The following NFIB variants were observed in gnomAD, a reference collection of about 807,000 sequenced individuals.
NFIB encodes the protein nuclear factor I B.
In NFIB, 11 loss-of-function variants were observed where a neutral mutation model predicts 61.5. The observed-to-expected ratio is 0.18, with a 90% CI of 0.11 to 0.30. The LOEUF (loss-of-function observed/expected upper bound fraction) is 0.30, where lower values mean the gene tolerates loss of function less well. Ranked by LOEUF, NFIB falls within the 10% of genes least tolerant of loss-of-function variation. The probability of loss-of-function intolerance (pLI) is 1.00; values close to 1 mark genes in which losing one functional copy is unlikely to be tolerated. For missense variants in NFIB, 471 were observed against 608.9 expected, an observed-to-expected ratio of 0.77 and a Z score of 2.38; for synonymous variants, 260 against 216.5, an observed-to-expected ratio of 1.20 and a Z score of -1.76.
chr9:14,179,632 T>C (rs1161604335), intron 3 of NFIB, 95 bp downstream of exon 3: 1 of 1,353,834 alleles, frequency 7.4e-7, no homozygotes, highest in Non-Finnish European at 1.0e-6. Context: ...CAGAACAAAA[T>C]AGGCAGCTGA....
the NFIB span, among the ~76,000 whole-genome samples, chr9:14,434,956 C>T: frequency 6.6e-6 from 1 of 152,236 alleles, no homozygotes; most frequent in Non-Finnish European, 1.5e-5. Flanking sequence ...TGGGTGCCCA[C>T]AGCTCTAAGG....
chr9:14,123,425 A>G (rs568605270), intron 7 of NFIB, among the ~76,000 whole-genome samples: 13 of 152,160 alleles, frequency 8.5e-5, no homozygotes, highest in Non-Finnish European at 1.8e-4. Flanking sequence ...CATCCTTTAT[A>G]GTGCTATGTG....
chr9:14,088,982 G>T (rs776301658), intron 10 of NFIB, among the ~76,000 whole-genome samples: 1 of 152,092 alleles, frequency 6.6e-6, no homozygotes, highest in Non-Finnish European at 1.5e-5. Context: ...AACCAAAATG[G>T]AACACAGCTT....
At chr9:14,146,633 A>G in intron 6 of NFIB, 56 bp downstream of exon 6, 1 of 1,611,312 alleles carries the variant, frequency 6.2e-7, no homozygotes, top group Non-Finnish European at 8.5e-7. Flanking sequence ...AACGAAACTT[A>G]AGAAACGAGC....
chr9:14,313,694 G>A lies in NFIB; in HGVS notation c.-183C>T. ...CCTCCTTAAATAGCCAAAGATTCAA[G>A]TTCACTCGGCGTGCTAGATTTCCAG... On this transcript the variant is annotated 5_prime_UTR_variant, in exon 1 of 11. Transcript: ENST00000380953. This position sits in a 1 kb window ranked among gnomAD's most constrained non-coding sequence, Gnocchi z 4.5. 2.1e-6 allele frequency: 3 copies of A among 1,428,234 alleles called. No individual in the cohort carries two copies. The highest frequency in any genetic ancestry group is 2.8e-6 in the Non-Finnish European group (3 of 1,090,796). 88.5% of individuals were successfully genotyped at this position (1,428,234 alleles called of 1,614,324 possible). A position where few individuals can be genotyped will look rare whatever the true frequency, so the allele number is the denominator to read the frequency against.
the NFIB span, among the ~76,000 whole-genome samples, chr9:14,495,923 C>T: frequency 1.3e-5 from 2 of 152,068 alleles, no homozygotes; most frequent in Non-Finnish European, 2.9e-5. Context: ...GTTTCTGTTC[C>T]ACATCTTCCA....
chr9:14,418,338 T>A, the NFIB span, among the ~76,000 whole-genome samples: 1 of 152,028 alleles, frequency 6.6e-6, no homozygotes, highest in African/African-American at 2.4e-5. Flanking sequence ...TATATGAACA[T>A]CCACAATGGC....
At chr9:14,369,179 G>A (rs2061332031) in intron 1 of NFIB, among the ~76,000 whole-genome samples, 1 of 152,092 alleles carries the variant, frequency 6.6e-6, no homozygotes, top group African/African-American at 2.4e-5. Flanking sequence ...ACTCGTCCAA[G>A]GTCAAACAGC....
chr9:14,412,504 A>G, the NFIB span, among the ~76,000 whole-genome samples: 1 of 152,206 alleles, frequency 6.6e-6, no homozygotes, highest in Non-Finnish European at 1.5e-5. Context: ...TTCAAAATGA[A>G]GGTTCATTCT....
intron 1 of NFIB, among the ~76,000 whole-genome samples, chr9:14,391,692 G>A (rs1484630438): frequency 6.6e-6 from 1 of 152,140 alleles, no homozygotes; most frequent in East Asian, 1.9e-4. Flanking sequence ...CACTGTGCAT[G>A]TGCATAGCCC....
At chr9:14,378,014 A>T (rs2132990937) in intron 1 of NFIB, among the ~76,000 whole-genome samples, 1 of 152,278 alleles carries the variant, frequency 6.6e-6, no homozygotes, top group South Asian at 2.1e-4. Context: ...TAATGGACAG[A>T]TTAACTAGCT....
intron 2 of NFIB, among the ~76,000 whole-genome samples, chr9:14,292,318 T>C (rs1056334837): frequency 3.3e-5 from 5 of 152,190 alleles, no homozygotes; most frequent in Admixed American, 2.6e-4. Context: ...AAGACCTCTT[T>C]CTTAAAAAGT....
chr9:14,373,571 A>C (rs1396769641), intron 1 of NFIB, among the ~76,000 whole-genome samples: 1 of 152,094 alleles, frequency 6.6e-6, no homozygotes, highest in Non-Finnish European at 1.5e-5. Flanking sequence ...ACATGCTCCA[A>C]AATGGCAACT....
chr9:14,498,805 CCCTTCCTCCCTTCCTCCCTT>C, the NFIB span, among the ~76,000 whole-genome samples: 2 of 70,394 alleles, frequency 2.8e-5, no homozygotes, highest in Admixed American at 2.9e-4. Flanking sequence ...CTCCCTTCCT[CCCTTCCTCCCTTCCTCCCTT>C]CCTCCCTTCC....
chr9:14,404,932 C>T, the NFIB span, among the ~76,000 whole-genome samples: 1 of 152,314 alleles, frequency 6.6e-6, no homozygotes, highest in South Asian at 2.1e-4. Context: ...ATGATTTTGG[C>T]TGAGGTTCCA....
At chr9:14,477,704 A>C in the NFIB span, among the ~76,000 whole-genome samples, 30 of 152,352 alleles carry the variant, frequency 2.0e-4, no homozygotes, top group African/African-American at 7.0e-4. Flanking sequence ...GTATACAAAT[A>C]CATTACACAT....
chr9:14,261,436 C>T (rs984415800), intron 2 of NFIB, among the ~76,000 whole-genome samples: 4 of 152,120 alleles, frequency 2.6e-5, no homozygotes, highest in Admixed American at 1.3e-4. Context: ...CATTTCAGCC[C>T]GTAATAAGGC....
chr9:14,506,003 CAA>C, the NFIB span, among the ~76,000 whole-genome samples: 1 of 151,924 alleles, frequency 6.6e-6, no homozygotes, highest in Non-Finnish European at 1.5e-5. Flanking sequence ...CGTTATAATA[CAA>C]AGAGGTAATA....
At chr9:14,310,408 TG>T (rs2132727649) in intron 1 of NFIB, among the ~76,000 whole-genome samples, 1 of 152,322 alleles carries the variant, frequency 6.6e-6, no homozygotes, top group South Asian at 2.1e-4. Context: ...TGAGGTTTGC[TG>T]TAAGTCGCAT....
Sources: gnomAD v4.1 joint callset for allele counts (sites outside exome capture counted in the v4.1 genomes callset) on GRCh38, gnomAD v4.1.1 for gene constraint, Gnocchi (gnomAD v3.1) non-coding constraint, MANE v1.5 for transcripts, NCBI Gene and HGNC (gene_info 2026-07-23, HGNC 2026-07-21) for gene names.